THADA: variants seen among roughly 807,000 people sequenced by gnomAD.
The protein encoded by THADA is THADA armadillo repeat containing.
THADA carries 213 observed loss-of-function variants against 219.8 expected under a neutral mutation model. The observed-to-expected ratio is 0.97, with a 90% confidence interval of 0.87 to 1.09. The LOEUF is 1.09. THADA is among the 50% of genes least tolerant of loss of function. The pLI is 0.00. For missense variants in THADA, 2,956 were observed against 2,311.3 expected (o/e 1.28, Z -5.72); for synonymous variants, 1,018 against 828.9 (o/e 1.23, Z -3.92).
intron 31 of THADA, among the ~76,000 whole-genome samples, chr2:43,314,026 G>A (rs539674029): frequency 6.6e-6 from 1 of 152,236 alleles, no homozygotes; most frequent in Non-Finnish European, 1.5e-5. Context: ...CATAGAGATA[G>A]ATGCTCAATA....
At chr2:43,457,370 T>C (rs542105955) in intron 26 of THADA, among the ~76,000 whole-genome samples, 4 of 152,326 alleles carry the variant, frequency 2.6e-5, no homozygotes, top group African/African-American at 9.6e-5. Flanking sequence ...ACAAGTTTAT[T>C]TGCTTCTTGG....
intron 30 of THADA, among the ~76,000 whole-genome samples, chr2:43,338,690 T>G (rs1558604410): frequency 6.6e-6 from 1 of 152,216 alleles, no homozygotes; most frequent in Non-Finnish European, 1.5e-5. Flanking sequence ...ATGTTGGAAT[T>G]TCCTTCCTTT....
At chr2:43,424,018 G>T (rs1678082174) in intron 28 of THADA, among the ~76,000 whole-genome samples, 1 of 152,174 alleles carries the variant, frequency 6.6e-6, no homozygotes, top group South Asian at 2.1e-4. Context: ...CATGGTAAAG[G>T]GCTTTGTATC....
intron 26 of THADA, among the ~76,000 whole-genome samples, chr2:43,483,138 G>A (rs993212871): frequency 2.6e-5 from 4 of 152,160 alleles, no homozygotes; most frequent in Admixed American, 2.0e-4. Context: ...CTGTGGTTGT[G>A]AAAGGAAACA....
At chr2:43,273,820 G>A (rs909027873) in intron 36 of THADA, among the ~76,000 whole-genome samples, 1 of 152,256 alleles carries the variant, frequency 6.6e-6, no homozygotes, top group African/African-American at 2.4e-5. Context: ...TTGCTCAAGG[G>A]TCGGGGCATA....
intron 29 of THADA, among the ~76,000 whole-genome samples, chr2:43,365,674 A>T (rs1289497265): frequency 6.6e-6 from 1 of 151,978 alleles, no homozygotes; most frequent in Non-Finnish European, 1.5e-5. Context: ...TTGCACAAGG[A>T]TAGCAGTGTA....
chr2:43,289,128 C>T (rs1219337478), intron 34 of THADA, among the ~76,000 whole-genome samples: 1 of 152,132 alleles, frequency 6.6e-6, no homozygotes, highest in Non-Finnish European at 1.5e-5. Flanking sequence ...TCACCCATGC[C>T]GTAGGATGTA....
chr2:43,305,938 C>T (rs1334499003), intron 31 of THADA, among the ~76,000 whole-genome samples: 2 of 151,828 alleles, frequency 1.3e-5, no homozygotes, highest in East Asian at 1.9e-4. Context: ...CTGTCCATCC[C>T]TCCCTCCCTT....
At chr2:43,267,939 A>T (rs1671707518) in intron 36 of THADA, among the ~76,000 whole-genome samples, 1 of 152,014 alleles carries the variant, frequency 6.6e-6, no homozygotes, top group Admixed American at 6.6e-5. Flanking sequence ...TTCAAGATAC[A>T]CCCCAAGCTG....
rs188053700 is a variant in THADA, at chr2:43,275,337, C to T, written c.5296+4428G>A. ...GTTTTCTGAGCCTCACAAATGGAGA[C>T]GGGAATGGGAGGAGGCCATCTAAAT... On this transcript the variant is annotated intron_variant, in intron 36 of 37. Transcript: ENST00000405975. Among the ~76,000 whole-genome samples the T allele has an allele frequency of 9.5e-4, 144 of 152,140 alleles. 3 individuals are homozygous for T. The South Asian group carries it at 0.029, about 31-fold the overall frequency.
At chr2:43,400,478 A>ATATATATATATATAT (rs10687373) in intron 28 of THADA, among the ~76,000 whole-genome samples, 1,300 of 116,778 alleles carry the variant, frequency 0.011, 75 homozygotes, top group Middle Eastern at 0.017. Flanking sequence ...TATATATATA[A>ATATATATATATATAT]ATATATACAC....
At chr2:43,419,987 T>G (rs1677487327) in intron 28 of THADA, among the ~76,000 whole-genome samples, 1 of 152,218 alleles carries the variant, frequency 6.6e-6, no homozygotes, top group Non-Finnish European at 1.5e-5. Flanking sequence ...TTGGTTCAAG[T>G]GGAAGCAAAG....
chr2:43,315,668 T>C (rs986389749), intron 31 of THADA, among the ~76,000 whole-genome samples: 1 of 152,126 alleles, frequency 6.6e-6, no homozygotes, highest in Non-Finnish European at 1.5e-5. Flanking sequence ...AGTCTTGCTA[T>C]GTTGCCCAGG....
At chr2:43,588,748 G>T (rs1218472398) in intron 4 of THADA, among the ~76,000 whole-genome samples, 1 of 152,026 alleles carries the variant, frequency 6.6e-6, no homozygotes, top group African/African-American at 2.4e-5. Context: ...TAGTCTGGGG[G>T]AGTACAATTT....
rs528007130 is a variant in THADA, at chr2:43,497,457, G to A, written c.3744+1376C>T. 1.3e-3 allele frequency among the ~76,000 whole-genome samples: 192 copies of A among 152,282 alleles called. 1 individual carries two copies. The highest frequency in any genetic ancestry group is 2.7e-3 in the South Asian group (13 of 4,828). ...AGGAACAGAAAACCAAACACTGCATGTCCTCACTCATAATTGGGAGCTGAA... is the reference window on the plus strand; with the variant it reads ...AGGAACAGAAAACCAAACACTGCATATCCTCACTCATAATTGGGAGCTGAA... On this transcript the variant is annotated intron_variant, in intron 25 of 37. Transcript: ENST00000405975.
At chr2:43,516,059 C>A (rs1691685879) in intron 22 of THADA, among the ~76,000 whole-genome samples, 1 of 152,120 alleles carries the variant, frequency 6.6e-6, no homozygotes, top group African/African-American at 2.4e-5. Flanking sequence ...TCTAATCTGT[C>A]AACAAACCTT....
intron 29 of THADA, among the ~76,000 whole-genome samples, chr2:43,379,104 G>T (rs1480041992): frequency 6.6e-6 from 1 of 152,124 alleles, no homozygotes; most frequent in East Asian, 1.9e-4. Context: ...AATAATGACG[G>T]ATTAAAACTA....
At chr2:43,451,819 A>G (rs1682373208) in intron 26 of THADA, among the ~76,000 whole-genome samples, 1 of 152,228 alleles carries the variant, frequency 6.6e-6, no homozygotes, top group Non-Finnish European at 1.5e-5. Flanking sequence ...CTATCAAGAA[A>G]TCACAGGCTG....
chr2:43,234,330 A>G (rs1275369807), intron 36 of THADA, among the ~76,000 whole-genome samples: 3 of 152,224 alleles, frequency 2.0e-5, no homozygotes. Flanking sequence ...ACACAGCAGC[A>G]CCTAGTTGCA....
Sources: allele counts gnomAD v4.1 joint callset (sites outside exome capture counted in the v4.1 genomes callset), GRCh38; gene constraint gnomAD v4.1.1; transcripts MANE v1.5; gene names NCBI Gene and HGNC (gene_info 2026-07-23, HGNC 2026-07-21).